Variants in TLK1 observed in about 807,000 individuals in gnomAD.
The protein encoded by TLK1 is tousled like kinase 1.
Under a neutral mutation model 105.3 loss-of-function variants are expected in TLK1, and 24 were observed. That is an observed-to-expected ratio of 0.23 (90% CI 0.17 to 0.32). The LOEUF is 0.32. Among genes scored for constraint, TLK1 ranks in the 10% least tolerant of loss-of-function variants. The pLI is 1.00. For missense variants in TLK1, 558 were observed against 910.5 expected, an observed-to-expected ratio of 0.61 and a Z score of 4.98; for synonymous variants, 321 against 310.4, an observed-to-expected ratio of 1.03 and a Z score of -0.36.
intron 11 of TLK1, among the ~76,000 whole-genome samples, chr2:171,031,829 A>C (rs1379056451): frequency 2.0e-5 from 3 of 152,218 alleles, no homozygotes; most frequent in Non-Finnish European, 4.4e-5. Context: ...ATTTTAAACA[A>C]ATTTGGTATT....
chr2:171,191,408 CT>C (rs200969566), intron 1 of TLK1, among the ~76,000 whole-genome samples: 138 of 151,540 alleles, frequency 9.1e-4, no homozygotes, highest in African/African-American at 3.0e-3. Flanking sequence ...CCACCCCCCC[CT>C]CTAAAAAAAT....
intron 1 of TLK1, among the ~76,000 whole-genome samples, chr2:171,217,771 G>T (rs1250472424): frequency 6.6e-6 from 1 of 152,176 alleles, no homozygotes; most frequent in African/African-American, 2.4e-5. Flanking sequence ...ACAAAGAAGA[G>T]TACGTGTAAT....
chr2:171,206,108 A>G (rs1693501969), intron 1 of TLK1, among the ~76,000 whole-genome samples: 1 of 152,214 alleles, frequency 6.6e-6, no homozygotes, highest in African/African-American at 2.4e-5. Flanking sequence ...TGAAGATGGG[A>G]AAAATGGCCA....
At chr2:171,090,279 CTTAT>C (rs1689169765) in intron 2 of TLK1, among the ~76,000 whole-genome samples, 1 of 152,040 alleles carries the variant, frequency 6.6e-6, no homozygotes, top group African/African-American at 2.4e-5. Context: ...CTACTTTCTA[CTTAT>C]TTGTTGTTGA....
intron 1 of TLK1, among the ~76,000 whole-genome samples, chr2:171,158,721 C>T (rs1030943027): frequency 2.6e-5 from 4 of 152,270 alleles, no homozygotes; most frequent in African/African-American, 7.2e-5. Flanking sequence ...TAAAAGCATG[C>T]TAAAAGCAAG....
chr2:171,108,597 G>A (rs1474474871), intron 2 of TLK1, among the ~76,000 whole-genome samples: 1 of 151,752 alleles, frequency 6.6e-6, no homozygotes, highest in Non-Finnish European at 1.5e-5. Context: ...TACAAGAAAT[G>A]CATTTAATTT....
intron 1 of TLK1, among the ~76,000 whole-genome samples, chr2:171,159,413 A>G (rs1481204601): frequency 7.2e-5 from 11 of 152,366 alleles, no homozygotes. Context: ...AGTCAAAAGC[A>G]CGCCGGTGCC....
intron 1 of TLK1, among the ~76,000 whole-genome samples, chr2:171,152,053 G>A: frequency 6.6e-6 from 1 of 152,134 alleles, no homozygotes; most frequent in East Asian, 1.9e-4. Context: ...CCTCAGATAG[G>A]AAGCACTTAC....
rs749346843 is a variant in TLK1 at position 171,006,134 on chromosome 2, G to GT, written c.1904+12dup. The GT allele has an allele frequency of 5.8e-6, 9 of 1,563,310 alleles. No individual in the cohort carries two copies. Among genetic ancestry groups the GT allele is most frequent in the African/African-American group, 1.4e-5 (1 of 72,654 alleles). On this transcript the variant is annotated intron_variant, in intron 18 of 20. Coordinates refer to ENST00000431350, the MANE Select transcript of TLK1 (RefSeq NM_012290.5). ...CAATCTAGACATTCTGATGTTTTTA[G>GT]TAATACACTTACCAGTAAGTGCCTG...
intron 3 of TLK1, among the ~76,000 whole-genome samples, chr2:171,082,494 T>C (rs1688798245): frequency 6.6e-6 from 1 of 152,198 alleles, no homozygotes; most frequent in African/African-American, 2.4e-5. Flanking sequence ...ACCTCCTTCC[T>C]CTCACAGAAC....
Position 171,056,470 on chromosome 2 carries a change from C to G in TLK1, c.549+1G>C, listed in dbSNP as rs1203132707. The G allele has an allele frequency of 6.2e-7, 1 of 1,610,500 alleles. No homozygotes were observed. The highest frequency in any genetic ancestry group is 8.5e-7 in the Non-Finnish European group (1 of 1,178,444). On this transcript the variant is annotated splice_donor_variant, in intron 6 of 20. Coordinates refer to ENST00000431350, the MANE Select transcript of TLK1 (RefSeq NM_012290.5). LOFTEE classifies it high-confidence loss of function. ...CATGAAAAACTTGAAAGATGACTTA[C>G]AGATGAGGAAGGAGTGGAATGTGAA...
chr2:171,123,208 T>G (rs1002574928), intron 1 of TLK1, among the ~76,000 whole-genome samples: 3 of 152,074 alleles, frequency 2.0e-5, no homozygotes, highest in African/African-American at 7.2e-5. Context: ...CTGTTAAATT[T>G]TGTTTTGAGA....
At chr2:171,125,577 T>G (rs1690836124) in intron 1 of TLK1, among the ~76,000 whole-genome samples, 1 of 152,188 alleles carries the variant, frequency 6.6e-6, no homozygotes, top group African/African-American at 2.4e-5. Context: ...CACCAAACAG[T>G]AGCTTGAAGT....
intron 1 of TLK1, among the ~76,000 whole-genome samples, chr2:171,130,085 C>A (rs571742630): frequency 3.1e-4 from 47 of 152,282 alleles, no homozygotes; most frequent in South Asian, 1.2e-3. Flanking sequence ...AGCTTTGCCA[C>A]GTAGTGACCC....
chr2:171,113,898 T>C (rs892703828), intron 2 of TLK1, among the ~76,000 whole-genome samples: 2 of 152,222 alleles, frequency 1.3e-5, no homozygotes, highest in Non-Finnish European at 2.9e-5. Context: ...AATTCTAGTT[T>C]TTGAATTTCT....
chr2:171,013,383 G>C (rs1377745861), intron 13 of TLK1, among the ~76,000 whole-genome samples: 2 of 133,308 alleles, frequency 1.5e-5, no homozygotes, highest in Middle Eastern at 4.7e-3. Flanking sequence ...GCTGGACTGC[G>C]ATCTAGGCTC....
At chr2:171,216,047 T>C (rs890933981) in intron 1 of TLK1, among the ~76,000 whole-genome samples, 10 of 152,240 alleles carry the variant, frequency 6.6e-5, no homozygotes, top group African/African-American at 2.2e-4. Flanking sequence ...TCTGTTATTA[T>C]CTCCATTTTA....
intron 1 of TLK1, among the ~76,000 whole-genome samples, chr2:171,129,051 AAGAAGG>A (rs965317357): frequency 1.3e-5 from 2 of 152,170 alleles, no homozygotes; most frequent in Non-Finnish European, 2.9e-5. Flanking sequence ...ATCCTGCAGT[AAGAAGG>A]AATGTTCTCT....
At position 171,061,078 on chromosome 2, in the gene TLK1, T is replaced by C. The variant is rs958639631; in HGVS notation, c.406+3A>G. 4 of 1,613,290 alleles carry C rather than the reference T, an allele frequency of 2.5e-6. No homozygotes were observed. The highest frequency in any genetic ancestry group is 2.7e-5 in the African/African-American group (2 of 74,922). ...GCTCTGAAGGAAGATGTTATGTGCTTACCCTGACTACTTTCATTCTGGTTT... is the reference window on the plus strand; with the variant it reads ...GCTCTGAAGGAAGATGTTATGTGCTCACCCTGACTACTTTCATTCTGGTTT... On this transcript the variant is annotated splice_donor_region_variant and intron_variant, in intron 4 of 20. Transcript: ENST00000431350.
Sources: allele counts gnomAD v4.1 joint callset (sites outside exome capture counted in the v4.1 genomes callset), GRCh38; gene constraint gnomAD v4.1.1; transcripts MANE v1.5; gene names NCBI Gene and HGNC (gene_info 2026-07-23, HGNC 2026-07-21).